SLC25A26: variants seen among roughly 807,000 people sequenced by gnomAD.
SLC25A26 encodes the protein solute carrier family 25 member 26, also known as mitochondrial S-adenosylmethionine carrier protein.
A neutral mutation model predicts 37.8 loss-of-function variants in SLC25A26; 36 were observed. The observed-to-expected ratio is 0.95, with a 90% CI of 0.73 to 1.26. SLC25A26 has a LOEUF of 1.26. Ranked by LOEUF, SLC25A26 falls within the 50% of genes most tolerant of loss-of-function variation. SLC25A26 has a pLI of 0.00. For missense variants in SLC25A26, 390 were observed against 331.1 expected, an observed-to-expected ratio of 1.18 and a Z score of -1.38; for synonymous variants, 129 against 122.5, an observed-to-expected ratio of 1.05 and a Z score of -0.35.
intron 1 of SLC25A26, among the ~76,000 whole-genome samples, chr3:66,190,208 G>A (rs2070910913): frequency 6.6e-6 from 1 of 151,962 alleles, no homozygotes; most frequent in Non-Finnish European, 1.5e-5. Flanking sequence ...CCAGCTACTT[G>A]GGAGGCTGAA....
At chr3:66,346,429 A>G (rs1433896972) in intron 6 of SLC25A26, 21 bp downstream of exon 6, 3 of 1,355,894 alleles carry the variant, frequency 2.2e-6, no homozygotes, top group Non-Finnish European at 3.0e-6. Context: ...CAGTCTTCAC[A>G]TAAAATTTGT....
intron 5 of SLC25A26, among the ~76,000 whole-genome samples, chr3:66,285,183 A>C (rs1051523522): frequency 6.6e-6 from 1 of 152,180 alleles, no homozygotes; most frequent in Non-Finnish European, 1.5e-5. Flanking sequence ...CATATTTCAC[A>C]GGAGAAGAAA....
intron 3 of SLC25A26, among the ~76,000 whole-genome samples, chr3:66,253,021 ATG>A (rs1297988396): frequency 2.6e-5 from 2 of 76,760 alleles, no homozygotes; most frequent in Non-Finnish European, 5.0e-5. Context: ...AGGCAAAATA[ATG>A]CCCCCCCCCC....
chr3:66,250,829 C>G (rs2073055063), intron 3 of SLC25A26, among the ~76,000 whole-genome samples: 1 of 152,016 alleles, frequency 6.6e-6, no homozygotes, highest in African/African-American at 2.4e-5. Context: ...TAATTTAATT[C>G]ATTAAAAAAA....
chr3:66,241,634 C>A (rs908035939), intron 2 of SLC25A26, among the ~76,000 whole-genome samples: 4 of 152,076 alleles, frequency 2.6e-5, no homozygotes, highest in Admixed American at 6.6e-5. Flanking sequence ...GTCAGAGTAC[C>A]AGGGTTCAAA....
chr3:66,251,916 A>G (rs545671652), intron 3 of SLC25A26, among the ~76,000 whole-genome samples: 19 of 152,146 alleles, frequency 1.2e-4, no homozygotes, highest in African/African-American at 4.6e-4. Context: ...AGTGGACAAA[A>G]AGGAAGGGAA....
chr3:66,305,626 G>A (rs1429278281), intron 5 of SLC25A26, among the ~76,000 whole-genome samples: 1 of 151,598 alleles, frequency 6.6e-6, no homozygotes, highest in African/African-American at 2.4e-5. Flanking sequence ...ACCCCACCCT[G>A]TGAAAGGCCC....
chr3:66,215,255 G>A (rs1347181103), intron 1 of SLC25A26, among the ~76,000 whole-genome samples: 2 of 152,098 alleles, frequency 1.3e-5, no homozygotes, highest in Non-Finnish European at 2.9e-5. Flanking sequence ...AGGCTGGAAT[G>A]CAGTGTCATG....
intron 5 of SLC25A26, among the ~76,000 whole-genome samples, chr3:66,295,575 G>T (rs1438678240): frequency 6.6e-6 from 1 of 151,838 alleles, no homozygotes; most frequent in Non-Finnish European, 1.5e-5. Context: ...CTAATTTTTT[G>T]TGTGTTTAGT....
intron 1 of SLC25A26, among the ~76,000 whole-genome samples, chr3:66,164,526 G>A (rs1405661901): frequency 6.6e-6 from 1 of 152,032 alleles, no homozygotes; most frequent in African/African-American, 2.4e-5. Context: ...CTACAGGCCA[G>A]ACTTGGGATA....
At chr3:66,362,975 A>C (rs777393396) in intron 7 of SLC25A26, 46 bp downstream of exon 7, 1 of 1,297,094 alleles carries the variant, frequency 7.7e-7, no homozygotes, top group South Asian at 1.4e-5. Flanking sequence ...GAGGGGGAAA[A>C]ATGTGAAAAT....
intron 2 of SLC25A26, among the ~76,000 whole-genome samples, chr3:66,237,851 T>C (rs972739664): frequency 1.7e-4 from 26 of 152,200 alleles, no homozygotes; most frequent in African/African-American, 6.0e-4. Flanking sequence ...GCAGGATGAT[T>C]CATGAGAATT....
intron 6 of SLC25A26, among the ~76,000 whole-genome samples, chr3:66,348,258 T>C (rs2076372610): frequency 6.6e-6 from 1 of 152,220 alleles, no homozygotes; most frequent in Admixed American, 6.5e-5. Flanking sequence ...ATAAATTGTG[T>C]GGGTCTTTGT....
chr3:66,189,357 T>C (rs1380193116), intron 1 of SLC25A26, among the ~76,000 whole-genome samples: 1 of 151,994 alleles, frequency 6.6e-6, no homozygotes, highest in Non-Finnish European at 1.5e-5. Context: ...CCTCAGATGC[T>C]GATCCTAATA....
intron 1 of SLC25A26, among the ~76,000 whole-genome samples, chr3:66,233,401 T>A (rs1258688256): frequency 6.6e-6 from 1 of 152,202 alleles, no homozygotes; most frequent in Non-Finnish European, 1.5e-5. Flanking sequence ...TTTCTTTGGA[T>A]TTTTTTCTAG....
At chr3:66,349,358 C>T (rs1284547683) in intron 6 of SLC25A26, among the ~76,000 whole-genome samples, 1 of 152,194 alleles carries the variant, frequency 6.6e-6, no homozygotes, top group Non-Finnish European at 1.5e-5. Context: ...AGAAAGTTCC[C>T]TCATGCCGTC....
intron 1 of SLC25A26, among the ~76,000 whole-genome samples, chr3:66,209,499 G>A (rs1355976326): frequency 7.2e-6 from 1 of 139,644 alleles, no homozygotes; most frequent in Non-Finnish European, 1.5e-5. Flanking sequence ...TTTTATATGG[G>A]TATATAGTTA....
chr3:66,282,761 G>A (rs782739), intron 5 of SLC25A26, among the ~76,000 whole-genome samples: 78,200 of 152,040 alleles, frequency 0.51, 22,010 homozygotes, highest in African/African-American at 0.75. Flanking sequence ...TTCAGCGTAC[G>A]TATAGATTTG....
At chr3:66,316,771 G>C (rs539604666) in intron 5 of SLC25A26, among the ~76,000 whole-genome samples, 3 of 151,968 alleles carry the variant, frequency 2.0e-5, no homozygotes, top group African/African-American at 7.3e-5. Context: ...TGTAGGTTTG[G>C]TTTTTTAACA....
Sources: allele counts gnomAD v4.1 joint callset (sites outside exome capture counted in the v4.1 genomes callset), GRCh38; gene constraint gnomAD v4.1.1; transcripts MANE v1.5; gene names NCBI Gene and HGNC (gene_info 2026-07-23, HGNC 2026-07-21).